STRADB: variants seen among roughly 807,000 people sequenced by gnomAD.
STRADB encodes the protein STE20-related kinase adapter protein beta.
In STRADB, 34 loss-of-function variants were observed where a neutral mutation model predicts 52.1. The observed-to-expected ratio is 0.65, with a 90% CI of 0.50 to 0.87. STRADB has a LOEUF of 0.87. Among genes scored for constraint, STRADB ranks in the 40% least tolerant of loss-of-function variants. The pLI is 0.00. For missense variants in STRADB, 340 were observed against 483.9 expected (o/e 0.70, Z 2.79); for synonymous variants, 133 against 174.5 (o/e 0.76, Z 1.87).
At chr2:201,479,983 A>C (rs1451025589) in intron 11 of STRADB, 49 bp from the exon 12 acceptor site, 1 of 1,593,602 alleles carries the variant, frequency 6.3e-7, no homozygotes, top group Non-Finnish European at 8.6e-7. Context: ...AACAAAACTG[A>C]TATATTGAAA....
chr2:201,477,976 A>C, intron 8 of STRADB, 111 bp from the exon 9 acceptor site: 1 of 1,178,904 alleles, frequency 8.5e-7, no homozygotes, highest in Non-Finnish European at 1.2e-6. Flanking sequence ...TTTGTCGCTT[A>C]TGGGTTTCTT....
chr2:201,468,085 CTTTTTT>C (rs536551120), intron 3 of STRADB, among the ~76,000 whole-genome samples: 1,711 of 71,080 alleles, frequency 0.024, 25 homozygotes, highest in Non-Finnish European at 0.038. Context: ...TTTTTTTTTT[CTTTTTT>C]TTTTTTTTTT....
intron 3 of STRADB, among the ~76,000 whole-genome samples, chr2:201,466,855 A>G (rs1359382559): frequency 1.3e-5 from 2 of 152,210 alleles, no homozygotes; most frequent in Non-Finnish European, 2.9e-5. Context: ...TTCATTGTAG[A>G]AATTTAAATA....
chr2:201,456,591 C>T (rs1303985955), intron 2 of STRADB, among the ~76,000 whole-genome samples: 2 of 151,774 alleles, frequency 1.3e-5, no homozygotes, highest in African/African-American at 2.4e-5. Context: ...TTTCCTTAAA[C>T]GAGAAATTTG....
chr2:201,467,529 A>G (rs1952322765), intron 3 of STRADB, among the ~76,000 whole-genome samples: 1 of 152,166 alleles, frequency 6.6e-6, no homozygotes, highest in East Asian at 1.9e-4. Flanking sequence ...ACTGAAATCT[A>G]CTTCCTGGAG....
At chr2:201,476,543 T>C (rs1388187814) in intron 7 of STRADB, among the ~76,000 whole-genome samples, 3 of 152,052 alleles carry the variant, frequency 2.0e-5, no homozygotes, top group Non-Finnish European at 4.4e-5. Context: ...TTAAAGGAAA[T>C]GTATAAGATA....
intron 11 of STRADB, 50 bp from the exon 12 acceptor site, chr2:201,479,982 G>A (rs1378911888): frequency 1.3e-6 from 2 of 1,594,988 alleles, no homozygotes; most frequent in Non-Finnish European, 1.7e-6. Context: ...TAACAAAACT[G>A]ATATATTGAA....
Position 201,480,688 on chromosome 2 carries a change from G to C in STRADB, c.*513G>C, listed in dbSNP as rs1479274064. The C allele has an allele frequency of 1.0e-6, 1 of 985,902 alleles. No individual in the cohort carries two copies. The highest frequency in any genetic ancestry group is 1.1e-4 in the East Asian group (1 of 8,828). The allele number at this position is 985,902 out of a possible 1,614,324, so 61.1% of individuals were successfully genotyped here. Reference sequence around the variant, plus strand: ...AATACTTATGGTAACACCTAACTGAGCCTCACTCACATTAAATGATTCACT... The same window carrying C: ...AATACTTATGGTAACACCTAACTGACCCTCACTCACATTAAATGATTCACT... On this transcript the variant is annotated 3_prime_UTR_variant, in exon 12 of 12. Coordinates refer to ENST00000194530, the MANE Select transcript of STRADB (RefSeq NM_018571.6).
intron 7 of STRADB, 83 bp downstream of exon 7, chr2:201,475,825 A>T: frequency 7.0e-7 from 1 of 1,429,198 alleles, no homozygotes; most frequent in South Asian, 1.4e-5. Flanking sequence ...GAGCAGTTGA[A>T]TATTAGAAAA....
intron 3 of STRADB, among the ~76,000 whole-genome samples, chr2:201,467,770 C>A (rs962878617): frequency 6.6e-6 from 1 of 152,144 alleles, no homozygotes; most frequent in Non-Finnish European, 1.5e-5. Flanking sequence ...ATTGTGGTGT[C>A]TCAATTATCC....
At chr2:201,462,530 T>C (rs1215051676) in intron 3 of STRADB, among the ~76,000 whole-genome samples, 3 of 152,200 alleles carry the variant, frequency 2.0e-5, no homozygotes, top group African/African-American at 7.2e-5. Context: ...TTTCTTGTTT[T>C]TTATTTTGTT....
rs1952505839 is a variant in STRADB at position 201,477,946 on chromosome 2, A to G, written c.721-141A>G. On this transcript the variant is annotated intron_variant, in intron 8 of 11. Coordinates refer to ENST00000194530, the MANE Select transcript of STRADB (RefSeq NM_018571.6). ...AAATTATGTTAGGAAATTAAATACC[A>G]TATATGAAGTGTGTCTTGATTTGTC... The G allele has an allele frequency of 2.6e-6, 3 of 1,160,620 alleles. No homozygotes were observed. In the East Asian group the frequency reaches 7.2e-5, roughly 28 times the overall value. 71.9% of individuals were successfully genotyped at this position (1,160,620 alleles called of 1,614,324 possible). A position where few individuals can be genotyped will look rare whatever the true frequency, so the allele number is the denominator to read the frequency against.
At chr2:201,468,866 T>G (rs1952346595) in intron 3 of STRADB, among the ~76,000 whole-genome samples, 1 of 152,238 alleles carries the variant, frequency 6.6e-6, no homozygotes, top group Admixed American at 6.5e-5. Flanking sequence ...CTACCTGTTT[T>G]AAAGAAACTG....
chr2:201,462,376 T>C (rs550039274), intron 3 of STRADB, among the ~76,000 whole-genome samples: 2 of 152,338 alleles, frequency 1.3e-5, no homozygotes, highest in East Asian at 3.9e-4. Flanking sequence ...TGTCTATTCA[T>C]TGGAGAGTTT....
chr2:201,463,823 GT>G (rs1367041401), intron 3 of STRADB, among the ~76,000 whole-genome samples: 1 of 151,702 alleles, frequency 6.6e-6, no homozygotes, highest in African/African-American at 2.4e-5. Flanking sequence ...CAAATAGCCT[GT>G]CTTCAGTCTC....
chr2:201,473,818 C>G (rs1380316506), intron 5 of STRADB, among the ~76,000 whole-genome samples: 3 of 151,748 alleles, frequency 2.0e-5, no homozygotes, highest in Non-Finnish European at 4.4e-5. Context: ...TCTTATAATA[C>G]CATTTTTATC....
At chr2:201,473,557 A>G (rs568269287) in intron 5 of STRADB, among the ~76,000 whole-genome samples, 118 of 152,320 alleles carry the variant, frequency 7.7e-4, no homozygotes, top group African/African-American at 2.7e-3. Context: ...CAGTTACAGA[A>G]TTGGAAAGAA....
At position 201,476,865 on chromosome 2, in the gene STRADB, C is replaced by T. The variant is rs560944532; in HGVS notation, c.549-754C>T. 8.2e-4 allele frequency among the ~76,000 whole-genome samples: 122 copies of T among 149,056 alleles called. 1 individual carries two copies. In the South Asian group the frequency reaches 0.026, roughly 32 times the overall value. The stretch of plus-strand genomic sequence containing the variant: ...GGTGTGGTGGCACACACCTGCAGTC[C>T]CAGCTACTCAGGAGGCTGAGGCAGG... On this transcript the variant is annotated intron_variant, in intron 7 of 11. Coordinates refer to ENST00000194530, the MANE Select transcript of STRADB (RefSeq NM_018571.6).
chr2:201,458,841 G>C lies in STRADB; in HGVS notation c.70G>C (p.Glu24Gln). 6.2e-7 allele frequency: 1 copy of C among 1,613,840 alleles called. No homozygotes were observed. ...ATCACTCAGACCTGAAAAACAGTCT[G>C]AAACCAGTATCCATCAATACTTGGT... The part of the protein sequence containing the change: ...VESLRPEKQS[E>Q]TSIHQYLVDE... The change falls in exon 3 of 12, where the codon GAA becomes CAA. Residue 24 changes from glutamate to glutamine, a missense_variant. Glu to Gln is a conservative substitution (Grantham distance 29). Coordinates refer to ENST00000194530, the MANE Select transcript of STRADB (RefSeq NM_018571.6).
Sources: gnomAD v4.1 joint callset for allele counts (sites outside exome capture counted in the v4.1 genomes callset) on GRCh38, gnomAD v4.1.1 for gene constraint, MANE v1.5 for transcripts, NCBI Gene and HGNC (gene_info 2026-07-23, HGNC 2026-07-21) for gene names.